The following DEPDC5 variants were observed in gnomAD, a reference collection of about 807,000 sequenced individuals.
DEPDC5 encodes the protein GATOR1 complex protein DEPDC5.
A neutral mutation model predicts 217.3 loss-of-function variants in DEPDC5; 73 were observed. The observed-to-expected ratio is 0.34, with a 90% CI of 0.28 to 0.41. DEPDC5 has a LOEUF of 0.41. Ranked by LOEUF, DEPDC5 falls within the 10% of genes least tolerant of loss-of-function variation. The pLI is 1.00. For synonymous variants in DEPDC5, 733 were observed against 756.7 expected (o/e 0.97, Z 0.51); for missense variants, 1,675 against 2,070.1 (o/e 0.81, Z 3.70).
rs149840831 is a variant in DEPDC5, at chr22:31,905,403, A to C, written c.4437-581A>C. 4.3e-3 allele frequency among the ~76,000 whole-genome samples: 642 copies of C among 149,476 alleles called. 3 individuals are homozygous for C. Among genetic ancestry groups the C allele is most frequent in the African/African-American group, 0.015 (614 of 40,978 alleles). On this transcript the variant is annotated intron_variant, in intron 41 of 42. Coordinates refer to ENST00000651528, the MANE Select transcript of DEPDC5 (RefSeq NM_001242896.3). ...CTGAGGCGGAGAATCACTTGAACCC[A>C]GGAGGCAGAGGTTGCAGTGAGCCGA...
At chr22:31,878,844 G>C (rs915970284) in intron 37 of DEPDC5, among the ~76,000 whole-genome samples, 1 of 151,742 alleles carries the variant, frequency 6.6e-6, no homozygotes, top group African/African-American at 2.4e-5. Context: ...TTTGAGACCA[G>C]CCTGGCCAAC....
At chr22:31,795,739 T>C (rs2086171410) in intron 12 of DEPDC5, among the ~76,000 whole-genome samples, 1 of 151,842 alleles carries the variant, frequency 6.6e-6, no homozygotes. Context: ...ATTTCCTTTT[T>C]TTTTTTTTGA....
intron 24 of DEPDC5, among the ~76,000 whole-genome samples, chr22:31,823,532 C>CAAAAAAA: frequency 1.9e-5 from 1 of 52,244 alleles, no homozygotes; most frequent in Non-Finnish European, 3.9e-5. Context: ...GACTCCATCT[C>CAAAAAAA]AAAAAAAAAA....
intron 21 of DEPDC5, chr22:31,817,468 G>T: frequency 4.2e-6 from 2 of 478,022 alleles, no homozygotes; most frequent in South Asian, 3.0e-5. Context: ...TTGATGGCCT[G>T]AGCAGTTTCA....
intron 21 of DEPDC5, among the ~76,000 whole-genome samples, chr22:31,817,887 A>G (rs2148791802): frequency 6.6e-6 from 1 of 152,232 alleles, no homozygotes; most frequent in South Asian, 2.1e-4. Context: ...GCATCAATTC[A>G]TTAATTTACA....
chr22:31,759,333 G>T (rs994318382), intron 3 of DEPDC5, among the ~76,000 whole-genome samples: 1 of 151,814 alleles, frequency 6.6e-6, no homozygotes, highest in Non-Finnish European at 1.5e-5. Flanking sequence ...GAGATTACAG[G>T]CATGAGCCAC....
Position 31,802,858 on chromosome 22 carries a change from G to A in DEPDC5, c.1081+20G>A. The A allele has an allele frequency of 6.4e-7, 1 of 1,574,458 alleles. No homozygotes were observed. The highest frequency in any genetic ancestry group is 8.6e-7 in the Non-Finnish European group (1 of 1,159,976). On this transcript the variant is annotated intron_variant, in intron 15 of 42. Coordinates refer to ENST00000651528, the MANE Select transcript of DEPDC5 (RefSeq NM_001242896.3). ...ATAATGGTAATGCTCTCTGGTTTGT[G>A]CCCTGTCTCCACATGTTCCTAGCCT...
chr22:31,856,962 G>A (rs558179899), intron 31 of DEPDC5, among the ~76,000 whole-genome samples: 35 of 152,156 alleles, frequency 2.3e-4, no homozygotes, highest in African/African-American at 8.4e-4. Flanking sequence ...GTAGAGATGG[G>A]GTTTCACCAT....
chr22:31,883,406 A>ACTCTGCTCTG (rs771903087), intron 38 of DEPDC5, among the ~76,000 whole-genome samples: 1 of 151,584 alleles, frequency 6.6e-6, no homozygotes, highest in South Asian at 2.1e-4. Context: ...ACTGTCCTCC[A>ACTCTGCTCTG]CTCTGCTCTG....
At chr22:31,902,022 TTTC>T (rs1292021125) in intron 41 of DEPDC5, among the ~76,000 whole-genome samples, 1 of 152,148 alleles carries the variant, frequency 6.6e-6, no homozygotes, top group African/African-American at 2.4e-5. Context: ...ACCTCATTAT[TTTC>T]TTCTTCCAGT....
chr22:31,844,346 A>G (rs112671187), intron 29 of DEPDC5, among the ~76,000 whole-genome samples: 2 of 152,226 alleles, frequency 1.3e-5, no homozygotes, highest in African/African-American at 4.8e-5. Flanking sequence ...GTGAGCCTTG[A>G]TAGTGCCACT....
At position 31,879,519 on chromosome 22, in the gene DEPDC5, TC is replaced by T; in HGVS notation, c.3806-3del. The T allele has an allele frequency of 6.2e-7, 1 of 1,607,518 alleles. No homozygotes were observed. The highest frequency in any genetic ancestry group is 8.5e-7 in the Non-Finnish European group (1 of 1,179,720). ...GTACTCCTTCTCTCCCCTCCACTTT[TC>T]CCAGTGGCCATGCAGCAGCCCGCCA... On this transcript the variant is annotated splice_polypyrimidine_tract_variant and splice_region_variant and intron_variant, in intron 37 of 42. Transcript: ENST00000651528.
intron 14 of DEPDC5, among the ~76,000 whole-genome samples, 192 bp downstream of exon 14, chr22:31,798,848 T>C (rs2086550520): frequency 6.6e-6 from 1 of 152,112 alleles, no homozygotes; most frequent in Non-Finnish European, 1.5e-5. Context: ...AGCTACTCCA[T>C]AGAAAGAGCA....
chr22:31,837,054 G>T lies in DEPDC5; in HGVS notation c.2253G>T (p.Ala751=), dbSNP rs777616535. The T allele has an allele frequency of 6.2e-7, 1 of 1,614,050 alleles. No individual in the cohort carries two copies. Among genetic ancestry groups the T allele is most frequent in the South Asian group, 1.1e-5 (1 of 91,076 alleles). The change falls in exon 26 of 43, where the codon GCG becomes GCT. Residue 751 remains alanine, a synonymous_variant. Coordinates refer to ENST00000651528, the MANE Select transcript of DEPDC5 (RefSeq NM_001242896.3). The part of the protein sequence containing the change: ...GVDWKSLTTP[A]CLPLTTDYFP... ...ACTGGAAGTCTCTCACTACTCCGGC[G>T]TGCCTCCCCCTTACCACCGACTACT...
intron 33 of DEPDC5, among the ~76,000 whole-genome samples, chr22:31,861,800 A>T (rs1238463231): frequency 6.6e-6 from 1 of 152,206 alleles, no homozygotes; most frequent in Non-Finnish European, 1.5e-5. Context: ...TTCCCCTCCC[A>T]ATACAACCAG....
intron 12 of DEPDC5, among the ~76,000 whole-genome samples, chr22:31,796,783 G>A (rs1251063653): frequency 1.3e-5 from 2 of 149,050 alleles, no homozygotes; most frequent in African/African-American, 2.5e-5. Flanking sequence ...TGAAACCTCC[G>A]CCTCCTGGGT....
chr22:31,865,810 A>G (rs1367044143), intron 33 of DEPDC5, among the ~76,000 whole-genome samples: 1 of 152,226 alleles, frequency 6.6e-6, no homozygotes, highest in Non-Finnish European at 1.5e-5. Flanking sequence ...AGAACATCTG[A>G]GCTGTGGGTC....
intron 38 of DEPDC5, among the ~76,000 whole-genome samples, chr22:31,884,978 A>G (rs990060066): frequency 2.6e-5 from 4 of 152,186 alleles, no homozygotes; most frequent in East Asian, 1.9e-4. Flanking sequence ...AGGATTAACT[A>G]TTCCTTACTC....
intron 14 of DEPDC5, 146 bp from the exon 15 acceptor site, chr22:31,802,558 C>CA (rs2086990703): frequency 3.3e-6 from 3 of 911,136 alleles, no homozygotes; most frequent in Middle Eastern, 3.6e-4. Context: ...AGAGAAAAGA[C>CA]AGATGCGTAT....
Sources: allele counts gnomAD v4.1 joint callset (sites outside exome capture counted in the v4.1 genomes callset), GRCh38; gene constraint gnomAD v4.1.1; transcripts MANE v1.5; gene names NCBI Gene and HGNC (gene_info 2026-07-23, HGNC 2026-07-21).